KPNA6: variants seen among roughly 807,000 people sequenced by gnomAD.
The protein encoded by KPNA6 is karyopherin subunit alpha 6.
KPNA6 carries 9 observed loss-of-function variants against 72.0 expected under a neutral mutation model. That is an observed-to-expected ratio of 0.13 (90% CI 0.08 to 0.22). The LOEUF (loss-of-function observed/expected upper bound fraction) is 0.22. Among genes scored for constraint, KPNA6 ranks in the 10% least tolerant of loss-of-function variants. The probability of loss-of-function intolerance (pLI) is 1.00; values close to 1 mark genes in which losing one functional copy is unlikely to be tolerated. For missense variants in KPNA6, 374 were observed against 655.7 expected, an observed-to-expected ratio of 0.57 and a Z score of 4.69; for synonymous variants, 219 against 242.1, an observed-to-expected ratio of 0.90 and a Z score of 0.89.
chr1:32,110,452 G>A (rs1186873888), intron 1 of KPNA6, among the ~76,000 whole-genome samples: 1 of 152,110 alleles, frequency 6.6e-6, no homozygotes, highest in Non-Finnish European at 1.5e-5. Context: ...AATCAGATCT[G>A]GTATTGGAAG....
At chr1:32,109,473 G>T (rs965772075) in intron 1 of KPNA6, among the ~76,000 whole-genome samples, 1 of 151,332 alleles carries the variant, frequency 6.6e-6, no homozygotes, top group Non-Finnish European at 1.5e-5. Context: ...CGTCCAGCCT[G>T]TTTTTTTGTT....
At chr1:32,160,728 C>A in intron 7 of KPNA6, 25 bp downstream of exon 7, 1 of 1,583,402 alleles carries the variant, frequency 6.3e-7, no homozygotes, top group Non-Finnish European at 8.7e-7. Flanking sequence ...TCATCTGTAC[C>A]TGGGCGTCTA....
chr1:32,175,944 A>G lies in KPNA6; in HGVS notation c.*5050A>G, dbSNP rs1406484909. The stretch of plus-strand genomic sequence containing the variant: ...AAAACCCCGTCCCTACAAAAATAAA[A>G]AAATAAAAAAAATAAGCCAGGTGTG... On this transcript the variant is annotated 3_prime_UTR_variant, in exon 14 of 14. Coordinates refer to ENST00000373625, the MANE Select transcript of KPNA6 (RefSeq NM_012316.5). 6.6e-6 allele frequency: 1 copy of G among 151,880 alleles called. No individual in the cohort carries two copies. Among genetic ancestry groups the G allele is most frequent in the Non-Finnish European group, 1.5e-5 (1 of 68,008 alleles). The allele number at this position is 151,880 out of a possible 1,614,324, so 9.4% of individuals were successfully genotyped here.
At chr1:32,116,741 T>C (rs1641335276) in intron 1 of KPNA6, among the ~76,000 whole-genome samples, 1 of 152,208 alleles carries the variant, frequency 6.6e-6, no homozygotes, top group African/African-American at 2.4e-5. Flanking sequence ...TTGACATGCC[T>C]TCCTCACTAA....
intron 1 of KPNA6, among the ~76,000 whole-genome samples, chr1:32,127,633 G>A (rs1641557724): frequency 6.6e-6 from 1 of 152,210 alleles, no homozygotes; most frequent in Admixed American, 6.5e-5. Flanking sequence ...GGAGGGTACT[G>A]CAGAATAGAG....
chr1:32,119,556 C>G (rs1641394229), intron 1 of KPNA6, among the ~76,000 whole-genome samples: 1 of 152,072 alleles, frequency 6.6e-6, no homozygotes, highest in Non-Finnish European at 1.5e-5. Flanking sequence ...GGTGAAGTCC[C>G]AGATTTTATA....
intron 1 of KPNA6, among the ~76,000 whole-genome samples, chr1:32,117,527 C>G (rs903710676): frequency 2.0e-5 from 3 of 151,316 alleles, no homozygotes; most frequent in African/African-American, 7.3e-5. Flanking sequence ...TGCTGGCTGA[C>G]GCCTATAATC....
intron 12 of KPNA6, among the ~76,000 whole-genome samples, chr1:32,168,284 G>T (rs140153536): frequency 6.6e-6 from 1 of 152,246 alleles, no homozygotes; most frequent in African/African-American, 2.4e-5. Flanking sequence ...CTGCCTCCCA[G>T]GTTCAAGCGA....
chr1:32,134,277 A>G (rs1159185511), intron 1 of KPNA6, among the ~76,000 whole-genome samples: 3 of 151,410 alleles, frequency 2.0e-5, no homozygotes, highest in Non-Finnish European at 2.9e-5. Context: ...AAAAAATTCT[A>G]TATCTAACAA....
At chr1:32,160,895 G>T (rs899468866) in intron 7 of KPNA6, among the ~76,000 whole-genome samples, 192 bp downstream of exon 7, 1 of 152,206 alleles carries the variant, frequency 6.6e-6, no homozygotes, top group Admixed American at 6.5e-5. Context: ...GGTGGCTTAT[G>T]CCTGTAATCC....
At chr1:32,135,680 C>T (rs1641722542) in intron 1 of KPNA6, among the ~76,000 whole-genome samples, 1 of 149,146 alleles carries the variant, frequency 6.7e-6, no homozygotes, top group East Asian at 2.0e-4. Context: ...TTTGCCCAGA[C>T]TAGTCTTGAC....
chr1:32,166,713 A>G (rs1372585058), intron 11 of KPNA6, among the ~76,000 whole-genome samples: 1 of 150,952 alleles, frequency 6.6e-6, no homozygotes, highest in African/African-American at 2.4e-5. Flanking sequence ...GCGGATCACA[A>G]GGTCAGGAGA....
In KPNA6 at chr1:32,160,677, C is replaced by T. The variant is rs1019313672; in HGVS notation, c.621C>T (p.Asn207=). ...DSSVCRDYVL[N]CSILNPLLTL... Reference sequence around the variant, plus strand: ...CTGTTTGCCGAGATTACGTCTTGAACTGTTCCATCCTTAATCCTTTGTTAA... The same window carrying T: ...CTGTTTGCCGAGATTACGTCTTGAATTGTTCCATCCTTAATCCTTTGTTAA... The change falls in exon 7 of 14, where the codon AAC becomes AAT. Residue 207 remains asparagine, a synonymous_variant. Transcript: ENST00000373625. The T allele has an allele frequency of 6.2e-7, 1 of 1,613,890 alleles. No homozygotes were observed. The highest frequency in any genetic ancestry group is 1.3e-5 in the African/African-American group (1 of 75,036).
chr1:32,168,645 G>A (rs1457631840), intron 12 of KPNA6, among the ~76,000 whole-genome samples: 3 of 152,170 alleles, frequency 2.0e-5, no homozygotes, highest in African/African-American at 7.2e-5. Context: ...AAGCTTTGAA[G>A]GATAAATATG....
At chr1:32,160,578 A>G in intron 6 of KPNA6, 37 bp from the exon 7 acceptor site, 3 of 1,554,338 alleles carry the variant, frequency 1.9e-6, no homozygotes, top group Admixed American at 1.7e-5. Flanking sequence ...AGGAGTACCA[A>G]GCTTTGTGGG....
intron 7 of KPNA6, among the ~76,000 whole-genome samples, chr1:32,161,721 C>T (rs977266920): frequency 1.3e-5 from 2 of 152,194 alleles, no homozygotes; most frequent in Admixed American, 6.5e-5. Flanking sequence ...TCTGTTTCGT[C>T]CCTATTATCT....
chr1:32,143,592 GAA>G (rs200170133), intron 1 of KPNA6, among the ~76,000 whole-genome samples: 7 of 138,552 alleles, frequency 5.1e-5, no homozygotes, highest in African/African-American at 1.9e-4. Context: ...AAAAAGAAAA[GAA>G]AAAAAAATTA....
rs750004100 is a variant in KPNA6, at chr1:32,110,056, ATTT to A, written c.4+1943_4+1945del. Among the ~76,000 whole-genome samples the A allele has an allele frequency of 5.4e-3, 640 of 118,294 alleles. 7 individuals carry two copies. The highest frequency in any genetic ancestry group is 0.02 in the African/African-American group (615 of 30,728). The allele number at this position is 118,294 out of a possible 152,430, so 77.6% of individuals were successfully genotyped here. On this transcript the variant is annotated intron_variant, in intron 1 of 13. Transcript: ENST00000373625. ...AAGCAAAATGAGAATCTGGAATTGAATTTTTTTTTTTTTTTTTTTTTTTCTGAG... is the reference window on the plus strand; with the variant it reads ...AAGCAAAATGAGAATCTGGAATTGAATTTTTTTTTTTTTTTTTTTTCTGAG...
At chr1:32,123,398 A>G (rs936320431) in intron 1 of KPNA6, among the ~76,000 whole-genome samples, 1 of 152,026 alleles carries the variant, frequency 6.6e-6, no homozygotes, top group African/African-American at 2.4e-5. Context: ...TGTGCTTTAT[A>G]CATAAGAGTA....
Sources: gnomAD v4.1 joint callset for allele counts (sites outside exome capture counted in the v4.1 genomes callset) on GRCh38, gnomAD v4.1.1 for gene constraint, MANE v1.5 for transcripts, NCBI Gene and HGNC (gene_info 2026-07-23, HGNC 2026-07-21) for gene names.